The following CECR2 variants were observed in gnomAD, a reference collection of about 807,000 sequenced individuals.
CECR2 encodes CECR2 histone acetyl-lysine reader.
A neutral mutation model predicts 154.5 loss-of-function variants in CECR2; 30 were observed. That is an observed-to-expected ratio of 0.19 (90% CI 0.15 to 0.26). CECR2 has a LOEUF of 0.26. CECR2 is among the 10% of genes least tolerant of loss of function. CECR2 has a pLI of 1.00. For missense variants in CECR2, 1,743 were observed against 1,829.3 expected (o/e 0.95, Z 0.86); for synonymous variants, 725 against 683.7 (o/e 1.06, Z -0.94).
chr22:17,533,786 G>A (rs1005616081), intron 9 of CECR2, among the ~76,000 whole-genome samples: 13 of 150,786 alleles, frequency 8.6e-5, no homozygotes, highest in African/African-American at 2.9e-4. Flanking sequence ...GTGTGATCTC[G>A]GCTCACCGCA....
At chr22:17,520,411 G>GT (rs2146953603) in intron 8 of CECR2, among the ~76,000 whole-genome samples, 1 of 151,018 alleles carries the variant, frequency 6.6e-6, no homozygotes, top group Admixed American at 6.6e-5. Context: ...TTTTTTTATT[G>GT]TAAGTAGGAT....
At position 17,553,055 on chromosome 22, in the gene CECR2, G is replaced by C; in HGVS notation, c.*215G>C. On this transcript the variant is annotated 3_prime_UTR_variant, in exon 19 of 19. Transcript: ENST00000262608. ...CAGATTGCAAAGGTCCTCGGCCAGG[G>C]ATCTCTTGCACAGCTGATGTAGACA... 1 of 1,162,936 alleles carries C rather than the reference G, an allele frequency of 8.6e-7. No homozygotes were observed. The highest frequency in any genetic ancestry group is 1.1e-6 in the Non-Finnish European group (1 of 891,698). 72.0% of individuals were successfully genotyped at this position (1,162,936 alleles called of 1,614,324 possible). A position where few individuals can be genotyped will look rare whatever the true frequency, so the allele number is the denominator to read the frequency against.
intron 1 of CECR2, among the ~76,000 whole-genome samples, chr22:17,449,569 A>C (rs2054734515): frequency 7.3e-6 from 1 of 136,574 alleles, no homozygotes; most frequent in Non-Finnish European, 1.5e-5. Flanking sequence ...GGCTCACTGC[A>C]AGCTCTGCCT....
chr22:17,518,619 C>T, intron 8 of CECR2: 1 of 415,030 alleles, frequency 2.4e-6, no homozygotes, highest in East Asian at 7.5e-5. Context: ...ATGGTTTCCC[C>T]ATGGGCTTGG....
chr22:17,370,512 A>G (rs1305783848), intron 1 of CECR2, among the ~76,000 whole-genome samples: 2 of 152,062 alleles, frequency 1.3e-5, no homozygotes, highest in Admixed American at 1.3e-4. Flanking sequence ...GAGGTGTGGA[A>G]GGAAAGTTTG....
At chr22:17,442,158 A>G (rs939435632) in intron 1 of CECR2, among the ~76,000 whole-genome samples, 3 of 152,148 alleles carry the variant, frequency 2.0e-5, no homozygotes, top group African/African-American at 7.2e-5. Flanking sequence ...AAAAACCGCA[A>G]AACAAGAGCA....
chr22:17,384,178 G>T (rs930468784), intron 1 of CECR2, among the ~76,000 whole-genome samples: 1 of 152,148 alleles, frequency 6.6e-6, no homozygotes, highest in Non-Finnish European at 1.5e-5. Flanking sequence ...TTTCTGAGAG[G>T]TTCTAAATTT....
intron 1 of CECR2, chr22:17,418,811 G>A (rs939622979): frequency 5.2e-5 from 11 of 212,884 alleles, no homozygotes; most frequent in Non-Finnish European, 8.4e-5. Flanking sequence ...TCTTCCACGT[G>A]GGGCCCAGCC....
chr22:17,462,506 GA>G (rs1290787377), intron 1 of CECR2, among the ~76,000 whole-genome samples: 1 of 152,158 alleles, frequency 6.6e-6, no homozygotes, highest in Non-Finnish European at 1.5e-5. Context: ...GCTTCTACAC[GA>G]AAGCAATATT....
At chr22:17,499,053 G>C (rs2055687287) in intron 3 of CECR2, among the ~76,000 whole-genome samples, 1 of 152,086 alleles carries the variant, frequency 6.6e-6, no homozygotes. Context: ...GCAGTGGCAT[G>C]ATCTTGGCTC....
chr22:17,470,009 C>T (rs186466481), intron 1 of CECR2, among the ~76,000 whole-genome samples: 3 of 152,278 alleles, frequency 2.0e-5, no homozygotes, highest in Admixed American at 1.3e-4. Flanking sequence ...ACATAGTATG[C>T]CTTCAGATGC....
At chr22:17,520,867 T>A (rs954215717) in intron 8 of CECR2, among the ~76,000 whole-genome samples, 3 of 152,212 alleles carry the variant, frequency 2.0e-5, no homozygotes, top group African/African-American at 7.2e-5. Flanking sequence ...TGGTTCCAAG[T>A]CTTTGCTATT....
At chr22:17,385,784 A>G (rs1269092121) in intron 1 of CECR2, among the ~76,000 whole-genome samples, 1 of 152,198 alleles carries the variant, frequency 6.6e-6, no homozygotes, top group Non-Finnish European at 1.5e-5. Context: ...CACGTTCAGT[A>G]AAGGGAAACA....
At chr22:17,395,860 AAAT>A (rs147713187) in intron 1 of CECR2, among the ~76,000 whole-genome samples, 4,042 of 152,148 alleles carry the variant, frequency 0.027, 197 homozygotes, top group African/African-American at 0.092. Flanking sequence ...TATTGATTAG[AAAT>A]AATTTATTTG....
chr22:17,471,639 G>A (rs918273939), intron 1 of CECR2, among the ~76,000 whole-genome samples: 2 of 151,922 alleles, frequency 1.3e-5, no homozygotes, highest in African/African-American at 2.4e-5. Flanking sequence ...GGGTTCAGGC[G>A]ATTCTCCTGC....
intron 1 of CECR2, among the ~76,000 whole-genome samples, chr22:17,440,078 AAAC>A (rs958885641): frequency 2.6e-4 from 40 of 151,970 alleles, no homozygotes; most frequent in Middle Eastern, 3.4e-3. Context: ...TTGAAAAAAA[AAAC>A]AAAAAAAGTA....
chr22:17,551,389 C>T (rs1384113828), intron 17 of CECR2, among the ~76,000 whole-genome samples: 1 of 151,928 alleles, frequency 6.6e-6, no homozygotes, highest in Non-Finnish European at 1.5e-5. Context: ...ATTTGGCTGC[C>T]GTGTCTGTTT....
At position 17,477,669 on chromosome 22, in the gene CECR2, C is replaced by T; in HGVS notation, c.208C>T (p.Arg70Ter). Residue 70 changes from arginine (R) to a stop codon, truncating the protein, a stop_gained, in exon 2 of 19, where the codon CGA (arginine) becomes TGA (stop). Coordinates refer to ENST00000262608, the MANE Select transcript of CECR2 (RefSeq NM_001290047.2). LOFTEE classifies it high-confidence loss of function. ...CTGCCTGCTTCAGGGCTGCTATCAA[C>T]GAAGAGATATCACGTGAGTAATTCT... is the stretch of plus-strand genomic sequence containing the variant. ...IACLLQGCYQ[R>*]RDITPQTFHS... The T allele has an allele frequency of 6.2e-7, 1 of 1,606,796 alleles. No homozygotes were observed. The highest frequency in any genetic ancestry group is 8.5e-7 in the Non-Finnish European group (1 of 1,173,386).
chr22:17,468,910 TCC>T (rs1371203288), intron 1 of CECR2, among the ~76,000 whole-genome samples: 1 of 151,986 alleles, frequency 6.6e-6, no homozygotes, highest in Non-Finnish European at 1.5e-5. Flanking sequence ...CACCTTGTCA[TCC>T]CATGGCGGGA....
Sources: gnomAD v4.1 joint callset for allele counts (sites outside exome capture counted in the v4.1 genomes callset) on GRCh38, gnomAD v4.1.1 for gene constraint, MANE v1.5 for transcripts, NCBI Gene and HGNC (gene_info 2026-07-23, HGNC 2026-07-21) for gene names.